The following FOXP2 variants were observed in gnomAD, a reference collection of about 807,000 sequenced individuals.
FOXP2 encodes the protein forkhead box P2, also known as forkhead box protein P2.
In FOXP2, 12 loss-of-function variants were observed where a neutral mutation model predicts 115.8. That is an observed-to-expected ratio of 0.10 (90% CI 0.07 to 0.17). FOXP2 has a LOEUF of 0.17. FOXP2 is among the 10% of genes least tolerant of loss of function. FOXP2 has a pLI of 1.00. For synonymous variants in FOXP2, 328 were observed against 297.7 expected (o/e 1.10, Z -1.05); for missense variants, 629 against 843.5 (o/e 0.75, Z 3.15).
chr7:114,629,981 G>A lies in FOXP2; in HGVS notation c.573G>A (p.Gln191=). ...AGCAACAGCAGCAGCAGCAGCAACA[G>A]CATCCTGGAAAGCAAGCGAAAGAGG... ...QQQQQQQQQQ[Q]HPGKQAKEQQ... is the part of the protein sequence containing the mutation. Residue 191 remains glutamine (Q), a synonymous_variant, in exon 5 of 17, where the codon CAG becomes CAA. Coordinates refer to ENST00000350908, the MANE Select transcript of FOXP2 (RefSeq NM_014491.4). 6.3e-7 allele frequency: 1 copy of A among 1,596,182 alleles called. No homozygotes were observed. Among genetic ancestry groups the A allele is most frequent in the Non-Finnish European group, 8.5e-7 (1 of 1,174,772 alleles).
intron 2 of FOXP2, among the ~76,000 whole-genome samples, chr7:114,384,841 A>G (rs1792402382): frequency 6.6e-6 from 1 of 151,800 alleles, no homozygotes; most frequent in Non-Finnish European, 1.5e-5. Flanking sequence ...AGTTGTCGCT[A>G]CCGACTGAAT....
chr7:114,206,126 T>G (rs1043081195), intron 1 of FOXP2, among the ~76,000 whole-genome samples: 2 of 152,158 alleles, frequency 1.3e-5, no homozygotes, highest in African/African-American at 4.8e-5. Context: ...ACATCTTTGC[T>G]CTTTCTATTT....
chr7:114,533,144 T>C (rs567792995), intron 2 of FOXP2, among the ~76,000 whole-genome samples: 4 of 152,094 alleles, frequency 2.6e-5, no homozygotes, highest in Admixed American at 2.0e-4. Context: ...TGAGTGAGTG[T>C]GTCTCCAAAT....
intron 1 of FOXP2, among the ~76,000 whole-genome samples, chr7:114,224,254 C>T (rs1277749851): frequency 6.6e-6 from 1 of 152,024 alleles, no homozygotes; most frequent in African/African-American, 2.4e-5. Context: ...TATTCCAAGG[C>T]TGTTGCTTTT....
intron 2 of FOXP2, among the ~76,000 whole-genome samples, chr7:114,467,403 A>G (rs989472502): frequency 1.3e-5 from 2 of 152,166 alleles, no homozygotes; most frequent in African/African-American, 4.8e-5. Context: ...AAGTGCCTGT[A>G]AACTCCAAAA....
chr7:114,139,857 A>G (rs1220023659), intron 1 of FOXP2, among the ~76,000 whole-genome samples: 1 of 152,134 alleles, frequency 6.6e-6, no homozygotes, highest in East Asian at 1.9e-4. Context: ...TCATGCCTGT[A>G]ATCCTAGCAC....
At chr7:114,228,709 A>G (rs754821960) in intron 1 of FOXP2, among the ~76,000 whole-genome samples, 1 of 151,794 alleles carries the variant, frequency 6.6e-6, no homozygotes, top group Non-Finnish European at 1.5e-5. Context: ...AAGATGTTGC[A>G]TGTAAACTCC....
chr7:114,556,239 C>A (rs192991305), intron 3 of FOXP2, among the ~76,000 whole-genome samples: 18 of 152,190 alleles, frequency 1.2e-4, no homozygotes, highest in Admixed American at 1.2e-3. Flanking sequence ...TTATAGGGAC[C>A]AAATCATAAT....
At chr7:114,513,377 A>T (rs1196602396) in intron 2 of FOXP2, among the ~76,000 whole-genome samples, 1 of 152,182 alleles carries the variant, frequency 6.6e-6, no homozygotes, top group Non-Finnish European at 1.5e-5. Flanking sequence ...TAGTAAGGGT[A>T]TCAAAATTTA....
At chr7:114,252,638 AT>A (rs1345476999) in intron 1 of FOXP2, among the ~76,000 whole-genome samples, 1 of 152,062 alleles carries the variant, frequency 6.6e-6, no homozygotes. Context: ...CAGTGGTGAT[AT>A]CCCCTTTATC....
rs577818764 is a variant in FOXP2 at position 114,691,777 on chromosome 7, G to A, written c.*1851G>A. 2.9e-5 allele frequency: 13 copies of A among 453,322 alleles called. No individual in the cohort carries two copies. Among genetic ancestry groups the A allele is most frequent in the African/African-American group, 2.0e-4 (10 of 49,948 alleles). The allele number at this position is 453,322 out of a possible 1,614,324, so 28.1% of individuals were successfully genotyped here. ...GTTCCATGTGATGGAACCGGTTCTT[G>A]CAAACTAAGCTCATCATTGATTCTT... On this transcript the variant is annotated 3_prime_UTR_variant, in exon 17 of 17. Transcript: ENST00000350908.
intron 1 of FOXP2, among the ~76,000 whole-genome samples, chr7:114,102,732 A>ACACACACACACACACACC (rs757957770): frequency 7.8e-4 from 114 of 146,196 alleles, no homozygotes; most frequent in Middle Eastern, 3.5e-3. Context: ...ACACACACAC[A>ACACACACACACACACACC]CCCCAATGGT....
chr7:114,520,389 A>G (rs1320670181), intron 2 of FOXP2, among the ~76,000 whole-genome samples: 1 of 152,124 alleles, frequency 6.6e-6, no homozygotes, highest in Non-Finnish European at 1.5e-5. Flanking sequence ...GTCATATAGT[A>G]TGTAACATAA....
intron 3 of FOXP2, among the ~76,000 whole-genome samples, chr7:114,572,542 A>C (rs764388772): frequency 1.3e-5 from 2 of 151,866 alleles, no homozygotes; most frequent in Non-Finnish European, 2.9e-5. Flanking sequence ...ATCAAGTGCA[A>C]TTATATTCTT....
chr7:114,272,237 A>C (rs1038124160), intron 1 of FOXP2, among the ~76,000 whole-genome samples: 2 of 151,026 alleles, frequency 1.3e-5, no homozygotes, highest in Admixed American at 6.7e-5. Flanking sequence ...AGATAATCCC[A>C]CTTGGTAATG....
At chr7:114,227,623 G>A (rs1478665655) in intron 1 of FOXP2, among the ~76,000 whole-genome samples, 5 of 151,802 alleles carry the variant, frequency 3.3e-5, no homozygotes, top group Admixed American at 3.3e-4. Context: ...AAAGTTAGAG[G>A]AATATTTGTT....
intron 1 of FOXP2, among the ~76,000 whole-genome samples, chr7:114,150,048 C>G (rs964916877): frequency 2.0e-5 from 3 of 152,008 alleles, no homozygotes. Context: ...TGTTAAACTG[C>G]AAGAAGATTG....
At chr7:114,391,340 T>C (rs1028584023) in intron 2 of FOXP2, among the ~76,000 whole-genome samples, 2 of 152,236 alleles carry the variant, frequency 1.3e-5, no homozygotes, top group African/African-American at 4.8e-5. Context: ...GGGTTAAACA[T>C]CTGCTTAGAC....
intron 3 of FOXP2, among the ~76,000 whole-genome samples, chr7:114,534,963 AG>A (rs1799309573): frequency 6.6e-6 from 1 of 151,830 alleles, no homozygotes; most frequent in Non-Finnish European, 1.5e-5. Context: ...ATAGGCATAA[AG>A]AATTTTGCAT....
Sources: gnomAD v4.1 joint callset for allele counts (sites outside exome capture counted in the v4.1 genomes callset) on GRCh38, gnomAD v4.1.1 for gene constraint, MANE v1.5 for transcripts, NCBI Gene and HGNC (gene_info 2026-07-23, HGNC 2026-07-21) for gene names.